Variants in LTBP1 observed in about 807,000 individuals in gnomAD.
LTBP1 encodes latent transforming growth factor beta binding protein 1, also known as latent-transforming growth factor beta-binding protein 1.
A neutral mutation model predicts 207.6 loss-of-function variants in LTBP1; 129 were observed. The observed-to-expected ratio is 0.62, with a 90% confidence interval of 0.54 to 0.72. LTBP1 has a LOEUF of 0.72. Among genes scored for constraint, LTBP1 ranks in the 30% least tolerant of loss-of-function variants. The probability of loss-of-function intolerance (pLI) is 0.00; values close to 1 mark genes in which losing one functional copy is unlikely to be tolerated. For synonymous variants in LTBP1, 963 were observed against 833.7 expected (o/e 1.16, Z -2.67); for missense variants, 2,281 against 2,217.2 (o/e 1.03, Z -0.58).
At chr2:33,201,471 A>G (rs1250681860) in intron 7 of LTBP1, among the ~76,000 whole-genome samples, 1 of 127,700 alleles carries the variant, frequency 7.8e-6, no homozygotes, top group African/African-American at 3.0e-5. Flanking sequence ...CACTCTGGGG[A>G]CTGTTGTGGG....
At chr2:33,197,361 T>G (rs2149005983) in intron 7 of LTBP1, among the ~76,000 whole-genome samples, 1 of 152,362 alleles carries the variant, frequency 6.6e-6, no homozygotes, top group East Asian at 1.9e-4. Context: ...AAGAGTTTGC[T>G]CACTGACTGT....
At chr2:33,353,700 A>T (rs2094814310) in intron 26 of LTBP1, among the ~76,000 whole-genome samples, 1 of 152,166 alleles carries the variant, frequency 6.6e-6, no homozygotes, top group African/African-American at 2.4e-5. Context: ...AGATTGCTTG[A>T]GTTAAATTAG....
At chr2:33,220,881 G>A (rs371936021) in intron 8 of LTBP1, among the ~76,000 whole-genome samples, 1 of 152,106 alleles carries the variant, frequency 6.6e-6, no homozygotes, top group Non-Finnish European at 1.5e-5. Flanking sequence ...TGAAGAGAGG[G>A]GAAATACAGC....
chr2:33,171,424 T>C (rs527420186), intron 5 of LTBP1, among the ~76,000 whole-genome samples: 1 of 145,836 alleles, frequency 6.9e-6, no homozygotes, highest in Non-Finnish European at 1.5e-5. Flanking sequence ...GAAGATGAAA[T>C]GAACGAAATG....
intron 5 of LTBP1, among the ~76,000 whole-genome samples, chr2:33,181,039 G>A (rs1453078484): frequency 2.0e-5 from 3 of 152,150 alleles, no homozygotes; most frequent in Non-Finnish European, 2.9e-5. Flanking sequence ...TCCTTCAGAT[G>A]GAGGTTTGTT....
intron 31 of LTBP1, among the ~76,000 whole-genome samples, chr2:33,370,785 A>G (rs773432499): frequency 1.1e-4 from 16 of 152,214 alleles, no homozygotes; most frequent in African/African-American, 2.7e-4. Context: ...TTAGGAGTGC[A>G]GTACTGCTTT....
At chr2:32,995,701 A>G (rs1685155376) in intron 2 of LTBP1, among the ~76,000 whole-genome samples, 1 of 152,160 alleles carries the variant, frequency 6.6e-6, no homozygotes, top group Non-Finnish European at 1.5e-5. Flanking sequence ...AGGTGGGAGA[A>G]TGGCGTGAAT....
chr2:33,225,552 G>A (rs573767351), intron 9 of LTBP1, among the ~76,000 whole-genome samples: 1 of 152,252 alleles, frequency 6.6e-6, no homozygotes, highest in African/African-American at 2.4e-5. Flanking sequence ...ATCAGATCTT[G>A]TGAAACTTAC....
chr2:33,169,059 C>T lies in LTBP1; in HGVS notation c.1202-17797C>T, dbSNP rs146427875. ...GGTGGGAATAAAAAGGAGTTGTAGTCGGGCCTTGCAGATTTTTGTTTATAG... is the reference window on the plus strand; with the variant it reads ...GGTGGGAATAAAAAGGAGTTGTAGTTGGGCCTTGCAGATTTTTGTTTATAG... On this transcript the variant is annotated intron_variant, in intron 5 of 33. Transcript: ENST00000404816. 1.4e-3 allele frequency among the ~76,000 whole-genome samples: 208 copies of T among 152,282 alleles called. 3 individuals carry two copies. Among genetic ancestry groups the T allele is most frequent in the Admixed American group, 1.8e-3 (27 of 15,292 alleles).
chr2:33,327,351 A>G (rs1167697931), intron 24 of LTBP1, among the ~76,000 whole-genome samples: 3 of 152,238 alleles, frequency 2.0e-5, no homozygotes, highest in East Asian at 1.9e-4. Flanking sequence ...TCTTCTGAAT[A>G]TATAACAATG....
At chr2:33,197,763 A>G (rs1325190686) in intron 7 of LTBP1, among the ~76,000 whole-genome samples, 8 of 152,194 alleles carry the variant, frequency 5.3e-5, no homozygotes, top group Non-Finnish European at 7.3e-5. Flanking sequence ...GAATCACAGT[A>G]TAGAGTTCAG....
chr2:32,949,385 A>T (rs1229345042), intron 2 of LTBP1, among the ~76,000 whole-genome samples: 1 of 152,210 alleles, frequency 6.6e-6, no homozygotes, highest in Admixed American at 6.5e-5. Flanking sequence ...AAGTTTTTAT[A>T]GCTTCCTGAA....
chr2:33,114,572 C>G (rs376504295), intron 4 of LTBP1, among the ~76,000 whole-genome samples: 2 of 152,188 alleles, frequency 1.3e-5, no homozygotes, highest in African/African-American at 4.8e-5. Context: ...CCAACCCACC[C>G]TCCAGAGCAT....
chr2:33,244,860 T>TTATCTATC (rs71409605), intron 10 of LTBP1, among the ~76,000 whole-genome samples: 3,303 of 150,948 alleles, frequency 0.022, 42 homozygotes, highest in East Asian at 0.026. Flanking sequence ...GTTTTTGTTT[T>TTATCTATC]TATCTATCTA....
chr2:33,344,881 T>C (rs1573941146), intron 25 of LTBP1, among the ~76,000 whole-genome samples: 1 of 152,204 alleles, frequency 6.6e-6, no homozygotes, highest in Non-Finnish European at 1.5e-5. Flanking sequence ...CCATGTCAGC[T>C]ATCTGGAGTC....
chr2:33,375,130 A>C (rs1253360126), intron 31 of LTBP1, among the ~76,000 whole-genome samples: 1 of 152,184 alleles, frequency 6.6e-6, no homozygotes, highest in African/African-American at 2.4e-5. Flanking sequence ...TAATTTCCTC[A>C]CTTGAAATCC....
At chr2:33,221,338 G>A (rs2091086591) in intron 8 of LTBP1, among the ~76,000 whole-genome samples, 1 of 152,152 alleles carries the variant, frequency 6.6e-6, no homozygotes, top group Non-Finnish European at 1.5e-5. Context: ...GCTATTGATA[G>A]GAAGAGGATT....
chr2:33,051,010 A>T (rs1024480652), intron 3 of LTBP1, among the ~76,000 whole-genome samples: 4 of 152,160 alleles, frequency 2.6e-5, no homozygotes, highest in African/African-American at 9.7e-5. Flanking sequence ...GGTGTGAGCC[A>T]CCGCGCCCGG....
chr2:33,184,033 A>G (rs1193601848), intron 5 of LTBP1, among the ~76,000 whole-genome samples: 1 of 151,984 alleles, frequency 6.6e-6, no homozygotes, highest in Non-Finnish European at 1.5e-5. Flanking sequence ...GTGTCCCATC[A>G]TCAAGTTCCA....
Sources: gnomAD v4.1 joint callset for allele counts (sites outside exome capture counted in the v4.1 genomes callset) on GRCh38, gnomAD v4.1.1 for gene constraint, MANE v1.5 for transcripts, NCBI Gene and HGNC (gene_info 2026-07-23, HGNC 2026-07-21) for gene names.